TSG101: variants seen among roughly 807,000 people sequenced by gnomAD.
The protein encoded by TSG101 is tumor susceptibility 101.
A neutral mutation model predicts 48.5 loss-of-function variants in TSG101; 19 were observed. The ratio of observed to expected loss-of-function variants is 0.39; its 90% confidence interval spans 0.27 to 0.58. The LOEUF (loss-of-function observed/expected upper bound fraction) is 0.58. TSG101 is among the 20% of genes least tolerant of loss of function. TSG101 has a pLI of 0.55. For synonymous variants in TSG101, 174 were observed against 169.4 expected (o/e 1.03, Z -0.21); for missense variants, 365 against 484.4 (o/e 0.75, Z 2.31).
chr11:18,525,593 T>A, intron 1 of TSG101: 10 of 361,806 alleles, frequency 2.8e-5, no homozygotes, highest in Non-Finnish European at 3.4e-5. Context: ...TTCAGTTACA[T>A]ACTATGTAAA....
chr11:18,524,605 C>T (rs1850335294), intron 1 of TSG101, among the ~76,000 whole-genome samples: 1 of 152,206 alleles, frequency 6.6e-6, no homozygotes, highest in South Asian at 2.1e-4. Context: ...AATGCTGATG[C>T]TCAGAATCGT....
chr11:18,485,894 A>G (rs575419990), intron 7 of TSG101, among the ~76,000 whole-genome samples: 101 of 152,354 alleles, frequency 6.6e-4, no homozygotes, highest in African/African-American at 2.4e-3. Flanking sequence ...GAAGGCTGAA[A>G]GATTGGACTG....
chr11:18,485,911 C>T (rs1281638276), intron 7 of TSG101, among the ~76,000 whole-genome samples: 1 of 152,224 alleles, frequency 6.6e-6, no homozygotes, highest in Non-Finnish European at 1.5e-5. Flanking sequence ...ACTGCTGGTC[C>T]CGGATGAAAC....
intron 7 of TSG101, among the ~76,000 whole-genome samples, chr11:18,500,972 T>C (rs1849877504): frequency 1.3e-5 from 2 of 152,144 alleles, no homozygotes; most frequent in African/African-American, 4.8e-5. Context: ...CCCAGATTTT[T>C]GCATTTTTAG....
In TSG101 at chr11:18,481,729, G is replaced by C; in HGVS notation, c.984C>G (p.Ile328Met). 1 of 1,614,148 alleles carries C rather than the reference G, an allele frequency of 6.2e-7. No individual in the cohort carries two copies. Among genetic ancestry groups the C allele is most frequent in the Non-Finnish European group, 8.5e-7 (1 of 1,180,014 alleles). ...CGTTTTCTTCTGCATACAGATTCAG[G>C]ATCTGTTTGTATAAGGGAGCTGTGG... ...IIPTAPLYKQ[I>M]LNLYAEENAI... is the part of the protein sequence containing the mutation. The change falls in exon 9 of 10, where the codon ATC becomes ATG. Residue 328 changes from isoleucine (I) to methionine (M), a missense_variant. By Grantham distance (10) the Ile-to-Met change is conservative. Transcript: ENST00000251968.
intron 2 of TSG101, among the ~76,000 whole-genome samples, chr11:18,517,456 T>C (rs1201960739): frequency 2.6e-5 from 4 of 152,216 alleles, no homozygotes; most frequent in Non-Finnish European, 4.4e-5. Context: ...ACTATACCCA[T>C]AGAGGAAAGG....
Position 18,480,559 on chromosome 11 carries a change from C to A in TSG101, c.1160G>T (p.Ser387Ile). The A allele has an allele frequency of 6.2e-7, 1 of 1,613,798 alleles. No homozygotes were observed. The highest frequency in any genetic ancestry group is 8.5e-7 in the Non-Finnish European group (1 of 1,179,856). The change falls in exon 10 of 10, where the codon AGT (serine) becomes ATT (isoleucine). Residue 387 changes from serine (S) to isoleucine (I), a missense_variant. By Grantham distance (142) the Ser-to-Ile change is moderately radical. Coordinates refer to ENST00000251968, the MANE Select transcript of TSG101 (RefSeq NM_006292.4). Reference sequence around the variant, plus strand: ...GTATCAGAGAAGTCAGTAGAGGTCACTGAGACCGGCAGTCTTTCTTGCTTT... The same window carrying A: ...GTATCAGAGAAGTCAGTAGAGGTCAATGAGACCGGCAGTCTTTCTTGCTTT... ...MQKARKTAGL[S>I]DLY
At chr11:18,488,446 C>T (rs16935476) in intron 7 of TSG101, among the ~76,000 whole-genome samples, 45,868 of 152,066 alleles carry the variant, frequency 0.3, 6,956 homozygotes, top group Middle Eastern at 0.36. Context: ...CGTTAAAACA[C>T]ATCTGAGAGT....
chr11:18,517,317 A>T (rs1850194964), intron 2 of TSG101, among the ~76,000 whole-genome samples: 1 of 152,156 alleles, frequency 6.6e-6, no homozygotes, highest in Non-Finnish European at 1.5e-5. Flanking sequence ...AGCCAAATAT[A>T]AACAATTTCT....
intron 6 of TSG101, among the ~76,000 whole-genome samples, chr11:18,506,407 C>T (rs1200781002): frequency 6.7e-6 from 1 of 149,396 alleles, no homozygotes; most frequent in African/African-American, 2.5e-5. Flanking sequence ...AAAAAAAATA[C>T]ATAGGCTGGG....
At chr11:18,526,461 G>T (rs1048637146) in intron 1 of TSG101, among the ~76,000 whole-genome samples, 1 of 152,332 alleles carries the variant, frequency 6.6e-6, no homozygotes, top group African/African-American at 2.4e-5. Context: ...AAAAACAAAC[G>T]AAAAACTACA....
intron 4 of TSG101, among the ~76,000 whole-genome samples, chr11:18,514,324 T>C (rs1034673916): frequency 6.6e-6 from 1 of 152,188 alleles, no homozygotes; most frequent in African/African-American, 2.4e-5. Context: ...AGAAGTTCCC[T>C]ACTATTATTC....
intron 2 of TSG101, among the ~76,000 whole-genome samples, chr11:18,516,941 G>GCAAA (rs1344346962): frequency 6.6e-6 from 1 of 152,070 alleles, no homozygotes; most frequent in African/African-American, 2.4e-5. Flanking sequence ...AAACTCCACT[G>GCAAA]CAAACAAACA....
At chr11:18,519,268 T>C (rs1448612999) in intron 2 of TSG101, among the ~76,000 whole-genome samples, 3 of 152,182 alleles carry the variant, frequency 2.0e-5, no homozygotes, top group African/African-American at 7.2e-5. Context: ...CCTCCCAAAG[T>C]GCTGGGATTA....
chr11:18,502,858 A>C (rs1849910913), intron 6 of TSG101, among the ~76,000 whole-genome samples: 1 of 152,210 alleles, frequency 6.6e-6, no homozygotes, highest in Non-Finnish European at 1.5e-5. Context: ...TCTAAGGACA[A>C]TCCAACAGCA....
At chr11:18,497,243 GCTTTC>G (rs1403359540) in intron 7 of TSG101, among the ~76,000 whole-genome samples, 1 of 151,990 alleles carries the variant, frequency 6.6e-6, no homozygotes, top group Non-Finnish European at 1.5e-5. Context: ...TTATGTTTCT[GCTTTC>G]CTTTAAGTCT....
At position 18,514,837 on chromosome 11, in the gene TSG101, A is replaced by G; in HGVS notation, c.198T>C (p.Asn66=). 1 of 1,539,480 alleles carries G rather than the reference A, an allele frequency of 6.5e-7. No individual in the cohort carries two copies. Among genetic ancestry groups the G allele is most frequent in the Non-Finnish European group, 8.7e-7 (1 of 1,155,206 alleles). Residue 66 remains asparagine (N), a synonymous_variant, in exon 4 of 10, where the codon AAT becomes AAC. Transcript: ENST00000251968. ...ATAGGCATATTGGAATATTGTATGTATTACCTGAAAAAGAAATAGAAACTT... is the reference window on the plus strand; with the variant it reads ...ATAGGCATATTGGAATATTGTATGTGTTACCTGAAAAAGAAATAGAAACTT... ...TGTIPVPYRG[N]TYNIPICLWL...
At chr11:18,482,507 T>C (rs1849556163) in intron 8 of TSG101, among the ~76,000 whole-genome samples, 1 of 152,176 alleles carries the variant, frequency 6.6e-6, no homozygotes, top group African/African-American at 2.4e-5. Context: ...AAAACACACA[T>C]TTACTGGAAT....
intron 4 of TSG101, among the ~76,000 whole-genome samples, chr11:18,514,240 AT>A (rs889659760): frequency 1.3e-5 from 2 of 152,010 alleles, no homozygotes; most frequent in Non-Finnish European, 2.9e-5. Flanking sequence ...TGTTGTTTGT[AT>A]TTTCTCTTGC....
Sources: gnomAD v4.1 joint callset for allele counts (sites outside exome capture counted in the v4.1 genomes callset) on GRCh38, gnomAD v4.1.1 for gene constraint, MANE v1.5 for transcripts, NCBI Gene and HGNC (gene_info 2026-07-23, HGNC 2026-07-21) for gene names.